PXDNL: variants seen among roughly 807,000 people sequenced by gnomAD.
PXDNL encodes peroxidasin like, also known as probable oxidoreductase PXDNL.
In PXDNL, 145 loss-of-function variants were observed where a neutral mutation model predicts 150.8. The observed-to-expected ratio is 0.96, with a 90% confidence interval of 0.84 to 1.10. The LOEUF (loss-of-function observed/expected upper bound fraction) is 1.10. Ranked by LOEUF, PXDNL falls within the 50% of genes least tolerant of loss-of-function variation. The probability of loss-of-function intolerance (pLI) is 0.00; values close to 1 mark genes in which losing one functional copy is unlikely to be tolerated. For synonymous variants in PXDNL, 757 were observed against 725.7 expected, an observed-to-expected ratio of 1.04 and a Z score of -0.69; for missense variants, 2,087 against 1,873.9, an observed-to-expected ratio of 1.11 and a Z score of -2.10.
At chr8:51,405,258 C>T (rs567319894) in intron 17 of PXDNL, among the ~76,000 whole-genome samples, 3 of 152,332 alleles carry the variant, frequency 2.0e-5, no homozygotes, top group African/African-American at 7.2e-5. Context: ...GGCTCCTCAA[C>T]AGCGGCCTGA....
intron 6 of PXDNL, among the ~76,000 whole-genome samples, chr8:51,480,931 T>C (rs750226486): frequency 6.6e-6 from 1 of 152,182 alleles, no homozygotes; most frequent in Non-Finnish European, 1.5e-5. Flanking sequence ...ATGTCTTTAT[T>C]AACAGTATAA....
chr8:51,448,336 C>T (rs13279088), intron 11 of PXDNL, among the ~76,000 whole-genome samples: 4 of 151,724 alleles, frequency 2.6e-5, no homozygotes, highest in Non-Finnish European at 5.9e-5. Context: ...AGCTTCACTT[C>T]GGATTTCATT....
chr8:51,333,965 T>C (rs1187705567), intron 21 of PXDNL, among the ~76,000 whole-genome samples: 1 of 152,024 alleles, frequency 6.6e-6, no homozygotes, highest in African/African-American at 2.4e-5. Flanking sequence ...TTGTAACAAA[T>C]GGACATAACA....
At chr8:51,459,875 T>C (rs1046176408) in intron 8 of PXDNL, among the ~76,000 whole-genome samples, 1 of 152,214 alleles carries the variant, frequency 6.6e-6, no homozygotes, top group Non-Finnish European at 1.5e-5. Flanking sequence ...CAGTCATTTG[T>C]TAAGTGCTTT....
At chr8:51,350,645 G>A (rs1032686862) in intron 19 of PXDNL, among the ~76,000 whole-genome samples, 4 of 151,916 alleles carry the variant, frequency 2.6e-5, no homozygotes, top group Admixed American at 6.6e-5. Context: ...GTGAGCCATC[G>A]CGCCCAGCCG....
intron 10 of PXDNL, 55 bp from the exon 11 acceptor site, chr8:51,449,173 GC>G (rs1809749783): frequency 1.0e-6 from 1 of 962,892 alleles, no homozygotes; most frequent in African/African-American, 1.7e-5. Context: ...AATTTTCAGT[GC>G]CAATAGAAAA....
rs192650617 is a variant in PXDNL at position 51,675,787 on chromosome 8, C to T, written c.165-21027G>A. On this transcript the variant is annotated intron_variant, in intron 1 of 22. Coordinates refer to ENST00000356297, the MANE Select transcript of PXDNL (RefSeq NM_144651.5). ...CAGCCTGGGCGACACAGCAAGGCTC[C>T]GTCTCAAAAAAAAAAAAAAAAAAAT... Among the ~76,000 whole-genome samples, 170 of 28,826 alleles carry T rather than the reference C, an allele frequency of 5.9e-3. 1 individual carries two copies. The highest frequency in any genetic ancestry group is 7.6e-3 in the African/African-American group (136 of 17,868). 18.9% of individuals were successfully genotyped at this position (28,826 alleles called of 152,430 possible). A position where few individuals can be genotyped will look rare whatever the true frequency, so the allele number is the denominator to read the frequency against.
At chr8:51,619,906 C>A (rs541605837) in intron 2 of PXDNL, among the ~76,000 whole-genome samples, 17 of 152,230 alleles carry the variant, frequency 1.1e-4, no homozygotes, top group Middle Eastern at 3.4e-3. Context: ...TTTCATCAAA[C>A]CTAGGCATAA....
chr8:51,396,722 C>CA (rs1808094413), intron 17 of PXDNL, among the ~76,000 whole-genome samples: 1 of 152,184 alleles, frequency 6.6e-6, no homozygotes, highest in Admixed American at 6.5e-5. Flanking sequence ...TGCACCATTG[C>CA]ATTCCAGCCT....
chr8:51,345,891 A>G lies in PXDNL; in HGVS notation c.3958T>C (p.Ser1320Pro), dbSNP rs376461949. ...TCAACAGGATAGCTGTATTGAGCTGAGCGTTTCTTTTGAGACTCTTGCGTC... is the reference window on the plus strand; with the variant it reads ...TCAACAGGATAGCTGTATTGAGCTGGGCGTTTCTTTTGAGACTCTTGCGTC... ...AVTQESQKKR[S>P]AQYSYPVDKD... Residue 1320 changes from serine (S) to proline (P), a missense_variant, in exon 20 of 23, where the codon TCA becomes CCA. Ser to Pro is a moderately conservative substitution (Grantham distance 74, BLOSUM62 -1). Transcript: ENST00000356297. The G allele has an allele frequency of 4.3e-6, 7 of 1,613,902 alleles. No individual in the cohort carries two copies. The African/African-American group carries it at 9.3e-5, about 22-fold the overall frequency.
rs139165339 is a variant in PXDNL at position 51,681,631 on chromosome 8, T to C, written c.165-26871A>G. Among the ~76,000 whole-genome samples, 765 of 152,354 alleles carry C rather than the reference T, an allele frequency of 5.0e-3. 3 individuals are homozygous for C. Among genetic ancestry groups the C allele is most frequent in the African/African-American group, 0.017 (718 of 41,598 alleles). ...TCTCCTCCCACCCTGTCTCAGGAAA[T>C]GTCCAGCATATGGCCACGGACAACA... On this transcript the variant is annotated intron_variant, in intron 1 of 22. Transcript: ENST00000356297.
At chr8:51,735,114 T>C (rs759129364) in intron 1 of PXDNL, among the ~76,000 whole-genome samples, 2 of 152,246 alleles carry the variant, frequency 1.3e-5, no homozygotes, top group Non-Finnish European at 2.9e-5. Context: ...TTAGTCATTC[T>C]ACAATGTAAA....
chr8:51,349,047 G>A (rs965525983), intron 19 of PXDNL, among the ~76,000 whole-genome samples: 1 of 152,170 alleles, frequency 6.6e-6, no homozygotes, highest in Non-Finnish European at 1.5e-5. Flanking sequence ...TAAATTTCTG[G>A]TCTATGTGTG....
chr8:51,490,860 C>T (rs903449002), intron 5 of PXDNL, among the ~76,000 whole-genome samples: 1 of 151,528 alleles, frequency 6.6e-6, no homozygotes, highest in Non-Finnish European at 1.5e-5. Context: ...AAATCTATTA[C>T]CTAGCTGTGA....
intron 17 of PXDNL, among the ~76,000 whole-genome samples, chr8:51,401,369 G>A (rs1361493362): frequency 6.6e-6 from 1 of 152,202 alleles, no homozygotes; most frequent in Admixed American, 6.5e-5. Context: ...TAAGTAAGGA[G>A]ATAGGAGATC....
intron 5 of PXDNL, among the ~76,000 whole-genome samples, chr8:51,491,916 C>T (rs930276989): frequency 6.6e-5 from 10 of 152,220 alleles, no homozygotes; most frequent in African/African-American, 2.4e-4. Flanking sequence ...AGGGCTGGCT[C>T]CCTGCTCACA....
At chr8:51,454,960 T>TAATTGAAA (rs1586120466) in intron 9 of PXDNL, among the ~76,000 whole-genome samples, 2 of 99,086 alleles carry the variant, frequency 2.0e-5, no homozygotes, top group Middle Eastern at 5.6e-3. Flanking sequence ...AAGGGAAAAA[T>TAATTGAAA]TAGCCGGGCG....
At chr8:51,759,751 C>A (rs1295320673) in intron 1 of PXDNL, among the ~76,000 whole-genome samples, 1 of 152,200 alleles carries the variant, frequency 6.6e-6, no homozygotes, top group Non-Finnish European at 1.5e-5. Context: ...AGCCAAGTTC[C>A]CCACCTGCTC....
At chr8:51,744,075 AAGGAAGGAAGGAAGGAAG>A (rs1563307161) in intron 1 of PXDNL, among the ~76,000 whole-genome samples, 34 of 84,042 alleles carry the variant, frequency 4.0e-4, no homozygotes, top group African/African-American at 1.3e-3. Flanking sequence ...GGAAGGAAGG[AAGGAAGGAAGGAAGGAAG>A]GAAAGAAAGA....
Sources: allele counts gnomAD v4.1 joint callset (sites outside exome capture counted in the v4.1 genomes callset), GRCh38; gene constraint gnomAD v4.1.1; transcripts MANE v1.5; gene names NCBI Gene and HGNC (gene_info 2026-07-23, HGNC 2026-07-21).